Variants in LRBA observed in about 807,000 individuals in gnomAD.
LRBA encodes lipopolysaccharide-responsive and beige-like anchor protein.
In LRBA, 176 loss-of-function variants were observed where a neutral mutation model predicts 330.0. The observed-to-expected ratio is 0.53, with a 90% confidence interval of 0.47 to 0.60. The LOEUF (loss-of-function observed/expected upper bound fraction) is 0.60, where lower values mean the gene tolerates loss of function less well. LRBA is among the 20% of genes least tolerant of loss of function. The pLI, the probability that LRBA is intolerant of heterozygous loss-of-function variation, is 0.00. For synonymous variants in LRBA, 1,230 were observed against 1,193.0 expected (o/e 1.03, Z -0.64); for missense variants, 3,259 against 3,444.8 (o/e 0.95, Z 1.35).
intron 47 of LRBA, among the ~76,000 whole-genome samples, chr4:150,375,104 G>A (rs1268215578): frequency 6.6e-6 from 1 of 152,106 alleles, no homozygotes; most frequent in East Asian, 1.9e-4. Context: ...TAGTATTACT[G>A]AAGCTCGTTG....
At chr4:150,506,688 C>T (rs1761132253) in intron 40 of LRBA, among the ~76,000 whole-genome samples, 1 of 152,222 alleles carries the variant, frequency 6.6e-6, no homozygotes, top group South Asian at 2.1e-4. Flanking sequence ...TGCCCTCTCT[C>T]ACCACTCTTA....
chr4:150,694,214 T>C (rs1306537576), intron 36 of LRBA, among the ~76,000 whole-genome samples: 11 of 152,060 alleles, frequency 7.2e-5, no homozygotes, highest in Non-Finnish European at 1.5e-4. Context: ...GGACCTTCTT[T>C]CTTTTACATG....
chr4:150,344,736 A>G (rs115179187), intron 48 of LRBA, among the ~76,000 whole-genome samples: 119 of 152,214 alleles, frequency 7.8e-4, no homozygotes, highest in African/African-American at 2.7e-3. Context: ...CTTTTTGTAG[A>G]GATGAAGTCT....
intron 17 of LRBA, among the ~76,000 whole-genome samples, chr4:150,886,743 GATT>G (rs1197199834): frequency 6.6e-6 from 1 of 152,106 alleles, no homozygotes; most frequent in Non-Finnish European, 1.5e-5. Flanking sequence ...TGTGTTAGAG[GATT>G]ATAACAGGGC....
intron 44 of LRBA, among the ~76,000 whole-genome samples, chr4:150,461,061 G>C (rs1754714983): frequency 6.6e-6 from 1 of 151,598 alleles, no homozygotes; most frequent in Non-Finnish European, 1.5e-5. Context: ...AGCTTTTTTT[G>C]TAAAATAGGT....
intron 47 of LRBA, among the ~76,000 whole-genome samples, chr4:150,389,676 C>CAAAA (rs34170088): frequency 0.15 from 12,287 of 79,844 alleles, 1,402 homozygotes; most frequent in Non-Finnish European, 0.21. Flanking sequence ...GACTCTGTCT[C>CAAAA]AAAAAAAAAA....
intron 46 of LRBA, among the ~76,000 whole-genome samples, chr4:150,429,093 A>T (rs1289377996): frequency 6.6e-6 from 1 of 152,134 alleles, no homozygotes; most frequent in Non-Finnish European, 1.5e-5. Context: ...ATAATAAACA[A>T]ATCAATAAGC....
At chr4:150,893,667 T>G (rs1325144897) in intron 16 of LRBA, among the ~76,000 whole-genome samples, 2 of 151,236 alleles carry the variant, frequency 1.3e-5, no homozygotes, top group Non-Finnish European at 3.0e-5. Context: ...ATTTCTTTGT[T>G]TTTTTGTTTT....
chr4:150,849,422 T>C lies in LRBA; in HGVS notation c.4158A>G (p.Thr1386=), dbSNP rs751408517. 56 of 1,613,616 alleles carry C rather than the reference T, an allele frequency of 3.5e-5. No homozygotes were observed. The highest frequency in any genetic ancestry group is 4.6e-5 in the Non-Finnish European group (54 of 1,179,822). ...LPLLSAATSA[T]HELENIEPTQ... is the part of the protein sequence containing the mutation. ...TTTTCTATAGTAATTAAGTCCTTAC[T>C]GTAGCCGATGTAGCAGCTGAAAGCA... Residue 1386 remains threonine (T), a splice_region_variant and synonymous_variant, in exon 25 of 57, where the codon ACA becomes ACG. Transcript: ENST00000651943.
At chr4:150,552,837 A>G (rs1181391998) in intron 40 of LRBA, among the ~76,000 whole-genome samples, 1 of 152,094 alleles carries the variant, frequency 6.6e-6, no homozygotes, top group African/African-American at 2.4e-5. Flanking sequence ...TGGGAGGCTG[A>G]GGCGGGCAGA....
At chr4:150,777,382 A>G (rs1349117757) in intron 34 of LRBA, among the ~76,000 whole-genome samples, 1 of 145,802 alleles carries the variant, frequency 6.9e-6, no homozygotes, top group East Asian at 1.9e-4. Flanking sequence ...TTAAAGAATA[A>G]AGAAAAAAAA....
At chr4:150,941,018 G>A (rs987264507) in intron 2 of LRBA, among the ~76,000 whole-genome samples, 1 of 151,788 alleles carries the variant, frequency 6.6e-6, no homozygotes, top group South Asian at 2.1e-4. Context: ...CTTTTTTAAC[G>A]GGTTTTTAAA....
intron 47 of LRBA, among the ~76,000 whole-genome samples, chr4:150,350,674 C>T (rs1225086505): frequency 6.6e-6 from 1 of 151,892 alleles, no homozygotes; most frequent in East Asian, 1.9e-4. Flanking sequence ...TAATTAATTA[C>T]AATAAATGTG....
intron 2 of LRBA, among the ~76,000 whole-genome samples, chr4:150,974,524 A>C (rs2149591873): frequency 6.6e-6 from 1 of 152,336 alleles, no homozygotes; most frequent in East Asian, 1.9e-4. Context: ...AAGGCTTTGG[A>C]CTAAGCTTTA....
At chr4:150,296,377 A>C (rs1440647959) in intron 53 of LRBA, among the ~76,000 whole-genome samples, 1 of 152,072 alleles carries the variant, frequency 6.6e-6, no homozygotes, top group African/African-American at 2.4e-5. Context: ...AGGCAGAAAC[A>C]ATTCAGAGAA....
chr4:150,726,725 C>T lies in LRBA; in HGVS notation c.5754+8533G>A, dbSNP rs147996195. ...TACGAGAACATCATGGAAGAAACTG[C>T]CCCCCAGTGATCCAATCACTTGCCT... On this transcript the variant is annotated intron_variant, in intron 36 of 56. Coordinates refer to ENST00000651943, the MANE Select transcript of LRBA (RefSeq NM_001364905.1). 2.5e-3 allele frequency among the ~76,000 whole-genome samples: 386 copies of T among 152,150 alleles called. 2 individuals carry two copies. The highest frequency in any genetic ancestry group is 0.01 in the Middle Eastern group (3 of 294).
At chr4:150,308,821 T>C (rs1348471604) in intron 52 of LRBA, among the ~76,000 whole-genome samples, 4 of 152,228 alleles carry the variant, frequency 2.6e-5, no homozygotes, top group Non-Finnish European at 5.9e-5. Flanking sequence ...TGTTTGTGTT[T>C]TAAGCTATGT....
At chr4:150,488,525 C>T in intron 41 of LRBA, among the ~76,000 whole-genome samples, 1 of 151,562 alleles carries the variant, frequency 6.6e-6, no homozygotes, top group East Asian at 1.9e-4. Context: ...AAGTACATGT[C>T]AATATGTAAA....
chr4:150,391,527 G>A (rs1743928806), intron 47 of LRBA, among the ~76,000 whole-genome samples: 1 of 152,158 alleles, frequency 6.6e-6, no homozygotes, highest in Non-Finnish European at 1.5e-5. Context: ...GGGTGAGACA[G>A]AAAGATGACT....
Sources: allele counts gnomAD v4.1 joint callset (sites outside exome capture counted in the v4.1 genomes callset), GRCh38; gene constraint gnomAD v4.1.1; transcripts MANE v1.5; gene names NCBI Gene and HGNC (gene_info 2026-07-23, HGNC 2026-07-21).